The following GPC5 variants were observed in gnomAD, a reference collection of about 807,000 sequenced individuals.
GPC5 encodes the protein glypican 5, also known as glypican-5.
GPC5 carries 47 observed loss-of-function variants against 53.9 expected under a neutral mutation model. That is an observed-to-expected ratio of 0.87 (90% confidence interval 0.69 to 1.11). The LOEUF (loss-of-function observed/expected upper bound fraction) is 1.11, where lower values mean the gene tolerates loss of function less well. Ranked by LOEUF, GPC5 falls within the 50% of genes most tolerant of loss-of-function variation. The pLI is 0.00. For missense variants in GPC5, 748 were observed against 713.1 expected, an observed-to-expected ratio of 1.05 and a Z score of -0.56; for synonymous variants, 286 against 263.3, an observed-to-expected ratio of 1.09 and a Z score of -0.84.
At chr13:91,477,062 G>T (rs144256671) in intron 2 of GPC5, among the ~76,000 whole-genome samples, 2 of 152,252 alleles carry the variant, frequency 1.3e-5, no homozygotes, top group African/African-American at 4.8e-5. Context: ...ATGGAAGCAA[G>T]AAAATTATGT....
At position 92,428,133 on chromosome 13, in the gene GPC5, C is replaced by T. The variant is rs556361218; in HGVS notation, c.1561+283144C>T. Among the ~76,000 whole-genome samples, 150 of 152,028 alleles carry T rather than the reference C, an allele frequency of 9.9e-4. 4 individuals are homozygous for T. In the South Asian group the frequency reaches 0.03, roughly 31 times the overall value. Reference sequence around the variant, plus strand: ...AGATATAAATACATAGAAATGATTCCAAATATCTTCTCTTTATTTCTTCAT... The same window carrying T: ...AGATATAAATACATAGAAATGATTCTAAATATCTTCTCTTTATTTCTTCAT... On this transcript the variant is annotated intron_variant, in intron 7 of 7. Transcript: ENST00000377067.
chr13:92,614,727 C>T (rs752522396), intron 7 of GPC5, among the ~76,000 whole-genome samples: 2 of 152,198 alleles, frequency 1.3e-5, no homozygotes, highest in Admixed American at 1.3e-4. Context: ...CTTAGCTCCT[C>T]TAGTCAACCA....
intron 7 of GPC5, among the ~76,000 whole-genome samples, chr13:92,382,860 AG>A (rs1467559774): frequency 1.3e-5 from 2 of 151,770 alleles, no homozygotes; most frequent in Non-Finnish European, 2.9e-5. Flanking sequence ...AAAATTAGCC[AG>A]GCGCGGTGGC....
intron 7 of GPC5, among the ~76,000 whole-genome samples, chr13:92,628,841 A>G (rs933727302): frequency 2.0e-5 from 3 of 152,194 alleles, no homozygotes; most frequent in Non-Finnish European, 4.4e-5. Flanking sequence ...GAACTAGAAG[A>G]AGTTCTGAGG....
rs192924262 is a variant in GPC5 at position 91,795,985 on chromosome 13, G to A, written c.1280+39565G>A. Among the ~76,000 whole-genome samples the A allele has an allele frequency of 1.7e-3, 260 of 152,170 alleles. 1 individual carries two copies. The Middle Eastern group carries it at 0.037, about 22-fold the overall frequency. On this transcript the variant is annotated intron_variant, in intron 5 of 7. Coordinates refer to ENST00000377067, the MANE Select transcript of GPC5 (RefSeq NM_004466.6). Reference sequence around the variant, plus strand: ...AAGTAAATGCCTTCCTTTTGTTACCGGGGGTCTTTGCTCCCAGAGCTCCCA... The same window carrying A: ...AAGTAAATGCCTTCCTTTTGTTACCAGGGGTCTTTGCTCCCAGAGCTCCCA...
At chr13:92,724,124 C>G (rs1405991963) in intron 7 of GPC5, among the ~76,000 whole-genome samples, 1 of 151,284 alleles carries the variant, frequency 6.6e-6, no homozygotes, top group East Asian at 1.9e-4. Flanking sequence ...GTTAAATTAT[C>G]CTTACTGCTT....
intron 2 of GPC5, among the ~76,000 whole-genome samples, chr13:91,677,847 G>T (rs562609184): frequency 6.6e-6 from 1 of 152,226 alleles, no homozygotes; most frequent in Admixed American, 6.5e-5. Flanking sequence ...AGGGCTGCTA[G>T]TATCCCATAG....
intron 2 of GPC5, among the ~76,000 whole-genome samples, chr13:91,680,357 G>A (rs1191396218): frequency 1.3e-5 from 2 of 152,196 alleles, no homozygotes; most frequent in African/African-American, 2.4e-5. Flanking sequence ...ACTGAGGCAG[G>A]AGAATCACTT....
chr13:92,286,329 G>A (rs563421405), intron 7 of GPC5, among the ~76,000 whole-genome samples: 39 of 152,264 alleles, frequency 2.6e-4, no homozygotes, highest in Middle Eastern at 3.4e-3. Context: ...ACAGTGTGGC[G>A]ACTCCTCAAG....
intron 7 of GPC5, among the ~76,000 whole-genome samples, chr13:92,569,173 C>T (rs1438883587): frequency 6.2e-5 from 9 of 145,104 alleles, no homozygotes; most frequent in Admixed American, 5.8e-4. Context: ...TGAGAACATG[C>T]GGTGTTTGGT....
intron 6 of GPC5, among the ~76,000 whole-genome samples, chr13:92,072,551 A>T (rs1335938016): frequency 6.8e-6 from 1 of 146,106 alleles, no homozygotes; most frequent in Non-Finnish European, 1.5e-5. Context: ...GGCGTGAGCC[A>T]CTGTGCCTGG....
At chr13:92,583,268 G>A (rs1383595136) in intron 7 of GPC5, among the ~76,000 whole-genome samples, 1 of 152,066 alleles carries the variant, frequency 6.6e-6, no homozygotes, top group Non-Finnish European at 1.5e-5. Flanking sequence ...CCTTCATTCT[G>A]TTAATGTAAT....
intron 7 of GPC5, among the ~76,000 whole-genome samples, chr13:92,707,604 G>C (rs1200771499): frequency 4.6e-5 from 7 of 151,656 alleles, no homozygotes; most frequent in African/African-American, 1.7e-4. Context: ...ATCATAGTGA[G>C]AGAAACACAA....
At chr13:92,007,668 C>T (rs925489856) in intron 6 of GPC5, among the ~76,000 whole-genome samples, 1 of 152,002 alleles carries the variant, frequency 6.6e-6, no homozygotes, top group Non-Finnish European at 1.5e-5. Flanking sequence ...TTTTTTAGAA[C>T]TTTGAATCGT....
intron 2 of GPC5, among the ~76,000 whole-genome samples, chr13:91,618,441 A>G (rs1229285801): frequency 6.6e-6 from 1 of 152,066 alleles, no homozygotes; most frequent in Non-Finnish European, 1.5e-5. Context: ...ATAATATTCA[A>G]TGTGATTTCA....
intron 5 of GPC5, among the ~76,000 whole-genome samples, chr13:91,776,149 A>G (rs960271557): frequency 6.6e-6 from 1 of 152,156 alleles, no homozygotes; most frequent in African/African-American, 2.4e-5. Context: ...TGGACCCGAG[A>G]CAGCTGAGAT....
intron 6 of GPC5, among the ~76,000 whole-genome samples, chr13:92,085,607 A>G (rs2041329505): frequency 6.6e-6 from 1 of 152,164 alleles, no homozygotes; most frequent in African/African-American, 2.4e-5. Context: ...TATTTCTATT[A>G]TTATTACTTT....
At chr13:92,291,803 A>C (rs2042998416) in intron 7 of GPC5, among the ~76,000 whole-genome samples, 1 of 151,992 alleles carries the variant, frequency 6.6e-6, no homozygotes. Flanking sequence ...CCACAAACCC[A>C]CCGGGAGGAA....
intron 7 of GPC5, among the ~76,000 whole-genome samples, chr13:92,561,049 G>C (rs1321599471): frequency 1.3e-5 from 2 of 151,842 alleles, no homozygotes; most frequent in Non-Finnish European, 2.9e-5. Flanking sequence ...TTGTAATTTG[G>C]ACCACATTTG....
Sources: gnomAD v4.1 joint callset for allele counts (sites outside exome capture counted in the v4.1 genomes callset) on GRCh38, gnomAD v4.1.1 for gene constraint, MANE v1.5 for transcripts, NCBI Gene and HGNC (gene_info 2026-07-23, HGNC 2026-07-21) for gene names.